CECR2: variants seen among roughly 807,000 people sequenced by gnomAD.
CECR2 encodes the protein chromatin remodeling regulator CECR2.
CECR2 carries 30 observed loss-of-function variants against 154.5 expected under a neutral mutation model. The ratio of observed to expected loss-of-function variants is 0.19; its 90% CI spans 0.15 to 0.26. The LOEUF (loss-of-function observed/expected upper bound fraction) is 0.26. Among genes scored for constraint, CECR2 ranks in the 10% least tolerant of loss-of-function variants. CECR2 has a pLI of 1.00. For missense variants in CECR2, 1,743 were observed against 1,829.3 expected, an observed-to-expected ratio of 0.95 and a Z score of 0.86; for synonymous variants, 725 against 683.7, an observed-to-expected ratio of 1.06 and a Z score of -0.94.
intron 1 of CECR2, among the ~76,000 whole-genome samples, chr22:17,375,132 G>A (rs536228504): frequency 2.6e-4 from 39 of 151,868 alleles, no homozygotes; most frequent in Admixed American, 2.5e-3. Context: ...ATATATTTTT[G>A]AGTCAGAGTC....
intron 9 of CECR2, among the ~76,000 whole-genome samples, chr22:17,525,315 AGAAAG>A (rs2056243783): frequency 7.0e-5 from 10 of 143,446 alleles, no homozygotes; most frequent in East Asian, 2.1e-4. Flanking sequence ...AAAAAAAAAA[AGAAAG>A]GAAGGGAGGG....
chr22:17,532,700 C>CT (rs695634), intron 9 of CECR2, among the ~76,000 whole-genome samples: 789 of 35,744 alleles, frequency 0.022, 220 homozygotes, highest in Middle Eastern at 0.071. Context: ...CATTATTATT[C>CT]TTTTTTTTTT....
intron 5 of CECR2, 23 bp from the exon 6 acceptor site, chr22:17,503,059 C>A (rs1425284458): frequency 6.2e-7 from 1 of 1,607,106 alleles, no homozygotes; most frequent in Non-Finnish European, 8.5e-7. Flanking sequence ...TTTTAATTGG[C>A]ACCTCTTTTT....
chr22:17,442,874 A>G (rs1381840509), intron 1 of CECR2, among the ~76,000 whole-genome samples: 1 of 152,182 alleles, frequency 6.6e-6, no homozygotes, highest in Non-Finnish European at 1.5e-5. Context: ...AGTAATTCAC[A>G]GGCTTCCCTA....
chr22:17,436,393 T>A (rs114989414), intron 1 of CECR2, among the ~76,000 whole-genome samples: 3,470 of 152,334 alleles, frequency 0.023, 123 homozygotes, highest in African/African-American at 0.08. Context: ...ACATTAGCTG[T>A]CTCTAGTTCC....
chr22:17,533,805 C>T (rs2056396787), intron 9 of CECR2, among the ~76,000 whole-genome samples: 1 of 150,744 alleles, frequency 6.6e-6, no homozygotes, highest in Non-Finnish European at 1.5e-5. Flanking sequence ...CAACCTCCGC[C>T]TCTGGGGTTC....
At chr22:17,447,304 C>G (rs1402141753) in intron 1 of CECR2, among the ~76,000 whole-genome samples, 2 of 152,046 alleles carry the variant, frequency 1.3e-5, no homozygotes, top group Non-Finnish European at 2.9e-5. Context: ...AGGCACCTGC[C>G]ACCACGCCCA....
rs1309789945 is a variant in CECR2 at position 17,540,809 on chromosome 22, T to C, written c.1884+9T>C. ...CCTTTTTAAACCAGATGGTAAGGAA[T>C]AGAGTGGAGACTGTTGCGGTTTCTC... On this transcript the variant is annotated intron_variant, in intron 14 of 18. Transcript: ENST00000262608. 2 of 1,543,066 alleles carry C rather than the reference T, an allele frequency of 1.3e-6. No homozygotes were observed. Among genetic ancestry groups the C allele is most frequent in the Middle Eastern group, 3.5e-4 (2 of 5,756 alleles).
intron 7 of CECR2, among the ~76,000 whole-genome samples, chr22:17,508,324 C>T (rs1302681116): frequency 6.6e-6 from 1 of 151,922 alleles, no homozygotes; most frequent in Non-Finnish European, 1.5e-5. Flanking sequence ...GTCACGGACT[C>T]AGCAGAGCAA....
rs939064143 is a variant in CECR2, at chr22:17,557,954, T to C, written c.*5114T>C. The C allele has an allele frequency of 1.3e-5, 2 of 152,244 alleles. No homozygotes were observed. The highest frequency in any genetic ancestry group is 2.4e-5 in the African/African-American group (1 of 41,464). 9.4% of individuals were successfully genotyped at this position (152,244 alleles called of 1,614,324 possible). A position where few individuals can be genotyped will look rare whatever the true frequency, so the allele number is the denominator to read the frequency against. Reference sequence around the variant, plus strand: ...GAAAGGGGAATGCTATTTATTTTTATATTGTGTATATTTTGTCGTGGTCTG... The same window carrying C: ...GAAAGGGGAATGCTATTTATTTTTACATTGTGTATATTTTGTCGTGGTCTG... On this transcript the variant is annotated 3_prime_UTR_variant, in exon 19 of 19. Transcript: ENST00000262608.
chr22:17,376,530 C>T (rs1461028994), intron 1 of CECR2, among the ~76,000 whole-genome samples: 1 of 152,106 alleles, frequency 6.6e-6, no homozygotes, highest in Admixed American at 6.5e-5. Context: ...CGGAAAACTG[C>T]AGTGCAAAGG....
intron 1 of CECR2, among the ~76,000 whole-genome samples, chr22:17,452,712 G>A (rs1169029827): frequency 6.6e-6 from 1 of 152,118 alleles, no homozygotes; most frequent in Non-Finnish European, 1.5e-5. Flanking sequence ...ATTTTTATTA[G>A]GCATTGGTCA....
chr22:17,490,518 T>G (rs930260986), intron 2 of CECR2, among the ~76,000 whole-genome samples: 2 of 152,178 alleles, frequency 1.3e-5, no homozygotes, highest in Non-Finnish European at 2.9e-5. Context: ...CACTGCAACC[T>G]CCGCCTCCTG....
chr22:17,367,216 T>C (rs2063006803), upstream of CECR2, among the ~76,000 whole-genome samples: 2 of 152,122 alleles, frequency 1.3e-5, no homozygotes, highest in South Asian at 4.1e-4. Flanking sequence ...TTAAACACAC[T>C]ACCGTACTAA....
At chr22:17,406,500 G>A (rs1042540349) in intron 1 of CECR2, among the ~76,000 whole-genome samples, 1 of 152,116 alleles carries the variant, frequency 6.6e-6, no homozygotes, top group Non-Finnish European at 1.5e-5. Context: ...TCCACCCTGG[G>A]GGGTGACAGA....
chr22:17,505,627 A>G (rs1256536913), intron 7 of CECR2, among the ~76,000 whole-genome samples: 1 of 138,776 alleles, frequency 7.2e-6, no homozygotes, highest in Non-Finnish European at 1.5e-5. Flanking sequence ...TCTGCCTTCC[A>G]AGTTCAAGCG....
intron 1 of CECR2, among the ~76,000 whole-genome samples, chr22:17,387,921 T>G (rs2063283790): frequency 6.6e-6 from 1 of 151,934 alleles, no homozygotes; most frequent in Non-Finnish European, 1.5e-5. Context: ...ACATTCTATA[T>G]TTGAGGTTTT....
At chr22:17,495,970 G>T (rs371483906) in intron 2 of CECR2, among the ~76,000 whole-genome samples, 1 of 151,912 alleles carries the variant, frequency 6.6e-6, no homozygotes, top group East Asian at 1.9e-4. Flanking sequence ...GAGCTCAGGA[G>T]TTTGAGTCCA....
chr22:17,497,237 C>A (rs941499960), intron 2 of CECR2, among the ~76,000 whole-genome samples, 166 bp from the exon 3 acceptor site: 1 of 152,126 alleles, frequency 6.6e-6, no homozygotes, highest in African/African-American at 2.4e-5. Context: ...CTGCAGTGAG[C>A]TGAGATCTTG....
Sources: gnomAD v4.1 joint callset for allele counts (sites outside exome capture counted in the v4.1 genomes callset) on GRCh38, gnomAD v4.1.1 for gene constraint, MANE v1.5 for transcripts, NCBI Gene and HGNC (gene_info 2026-07-23, HGNC 2026-07-21) for gene names.